The following VWA8 variants were observed in gnomAD, a reference collection of about 807,000 sequenced individuals.
VWA8 encodes von Willebrand factor A domain containing 8, also known as von Willebrand factor A domain-containing protein 8.
VWA8 carries 221 observed loss-of-function variants against 241.5 expected under a neutral mutation model. The observed-to-expected ratio is 0.91, with a 90% CI of 0.82 to 1.02. VWA8 has a LOEUF of 1.02. Among genes scored for constraint, VWA8 ranks in the 50% least tolerant of loss-of-function variants. The probability of loss-of-function intolerance (pLI) is 0.00; values close to 1 mark genes in which losing one functional copy is unlikely to be tolerated. For synonymous variants in VWA8, 852 were observed against 827.1 expected, an observed-to-expected ratio of 1.03 and a Z score of -0.52; for missense variants, 2,322 against 2,328.7, an observed-to-expected ratio of 1.00 and a Z score of 0.06.
chr13:41,935,973 C>T (rs374191379), intron 2 of VWA8, among the ~76,000 whole-genome samples: 1 of 152,204 alleles, frequency 6.6e-6, no homozygotes, highest in East Asian at 1.9e-4. Context: ...TACTTTCTAT[C>T]TCTACCACAA....
intron 12 of VWA8, among the ~76,000 whole-genome samples, chr13:41,838,962 C>A (rs906066374): frequency 6.6e-6 from 1 of 152,000 alleles, no homozygotes; most frequent in East Asian, 1.9e-4. Context: ...AATATATGTG[C>A]GCATGTGTCT....
intron 4 of VWA8, among the ~76,000 whole-genome samples, chr13:41,897,993 C>T (rs1875205775): frequency 6.6e-6 from 1 of 152,104 alleles, no homozygotes; most frequent in Non-Finnish European, 1.5e-5. Context: ...CAAAGGTTCT[C>T]CACATCCCCA....
intron 12 of VWA8, among the ~76,000 whole-genome samples, chr13:41,844,139 T>C (rs1269253278): frequency 6.6e-6 from 1 of 152,184 alleles, no homozygotes; most frequent in Non-Finnish European, 1.5e-5. Context: ...TAATTCACCA[T>C]GGTCAGGCAG....
intron 37 of VWA8, among the ~76,000 whole-genome samples, chr13:41,645,257 T>C (rs905076545): frequency 4.6e-5 from 7 of 152,234 alleles, no homozygotes; most frequent in African/African-American, 9.6e-5. Flanking sequence ...AAAAAGGTAC[T>C]GCTTAGTACA....
At chr13:41,822,993 A>C (rs999198577) in intron 14 of VWA8, among the ~76,000 whole-genome samples, 5 of 152,142 alleles carry the variant, frequency 3.3e-5, no homozygotes, top group Non-Finnish European at 7.4e-5. Flanking sequence ...AAAGGGTTTC[A>C]AATGGTTCCT....
At position 41,580,132 on chromosome 13, in the gene VWA8, G is replaced by C. The variant is rs988202614; in HGVS notation, c.5272-4294C>G. 2.6e-5 allele frequency among the ~76,000 whole-genome samples: 4 copies of C among 152,020 alleles called. No individual in the cohort carries two copies. The East Asian group carries it at 7.7e-4, about 29-fold the overall frequency. The stretch of plus-strand genomic sequence containing the variant: ...GGCCTCCCAAAGTGCTGGAATTATA[G>C]GCATGAACCACTGTGCCCGGCCCAG... On this transcript the variant is annotated intron_variant, in intron 42 of 44. Transcript: ENST00000379310.
At chr13:41,691,243 C>A in intron 32 of VWA8, 77 bp downstream of exon 32, 1 of 1,499,444 alleles carries the variant, frequency 6.7e-7, no homozygotes. Flanking sequence ...AAAGACAGAA[C>A]AGTAAAGATG....
At chr13:41,957,226 T>C (rs1339826856) in intron 1 of VWA8, among the ~76,000 whole-genome samples, 2 of 152,148 alleles carry the variant, frequency 1.3e-5, no homozygotes, top group Admixed American at 6.6e-5. Flanking sequence ...GTTTTTCCTG[T>C]GCTGTTCTCG....
chr13:41,570,419 C>T (rs926460341), intron 44 of VWA8, 49 bp downstream of exon 44: 3 of 1,522,088 alleles, frequency 2.0e-6, no homozygotes, highest in Admixed American at 3.4e-5. Context: ...GTGTTAGCTA[C>T]TCAGTATCTC....
chr13:41,789,653 A>T (rs1869363323), intron 17 of VWA8, among the ~76,000 whole-genome samples: 1 of 152,132 alleles, frequency 6.6e-6, no homozygotes, highest in South Asian at 2.1e-4. Flanking sequence ...ATAAGATAGG[A>T]CTTCTCAGGA....
intron 40 of VWA8, among the ~76,000 whole-genome samples, chr13:41,603,734 T>G (rs556716487): frequency 3.7e-4 from 57 of 152,256 alleles, no homozygotes; most frequent in Non-Finnish European, 2.2e-4. Flanking sequence ...AAATACTCTG[T>G]CCTTCTCTGA....
intron 2 of VWA8, among the ~76,000 whole-genome samples, chr13:41,938,515 G>A (rs1877452669): frequency 6.6e-6 from 1 of 152,074 alleles, no homozygotes; most frequent in Non-Finnish European, 1.5e-5. Context: ...GCCAGGCGTA[G>A]TGGCACGTGC....
intron 37 of VWA8, among the ~76,000 whole-genome samples, chr13:41,630,450 G>A (rs376683333): frequency 1.3e-4 from 19 of 151,762 alleles, no homozygotes; most frequent in East Asian, 1.2e-3. Context: ...TTGAACACTC[G>A]TAGAGGCTTA....
chr13:41,863,395 TTGTGTGTGTG>T (rs140177608), intron 12 of VWA8, among the ~76,000 whole-genome samples: 2,877 of 89,926 alleles, frequency 0.032, 106 homozygotes, highest in Middle Eastern at 0.12. Flanking sequence ...TATCTCCTAT[TTGTGTGTGTG>T]TGTGTGTGTG....
At chr13:41,616,013 T>C (rs1264054812) in intron 37 of VWA8, among the ~76,000 whole-genome samples, 1 of 152,234 alleles carries the variant, frequency 6.6e-6, no homozygotes, top group Non-Finnish European at 1.5e-5. Flanking sequence ...TTCTGTGAGG[T>C]ACCATGGGGC....
At position 41,887,250 on chromosome 13, in the gene VWA8, G is replaced by C. The variant is rs777168545; in HGVS notation, c.763C>G (p.Pro255Ala). Reference protein sequence around the residue: ...VPRYSGNPLDPPLRSRFQARD... With the variant: ...VPRYSGNPLDAPLRSRFQARD... ...GCTTGAAATCGAGAACGAAGAGGGGGGTCTAATGGATTCCCAGAATACCTT... is the reference window on the plus strand; with the variant it reads ...GCTTGAAATCGAGAACGAAGAGGGGCGTCTAATGGATTCCCAGAATACCTT... The change falls in exon 6 of 45, where the codon CCC becomes GCC. Residue 255 changes from proline to alanine, a missense_variant. Transcript: ENST00000379310. 2 of 1,613,106 alleles carry C rather than the reference G, an allele frequency of 1.2e-6. No individual in the cohort carries two copies. Among genetic ancestry groups the C allele is most frequent in the African/African-American group, 2.7e-5 (2 of 74,808 alleles).
intron 5 of VWA8, 51 bp downstream of exon 5, chr13:41,891,369 C>T: frequency 6.2e-7 from 1 of 1,604,414 alleles, no homozygotes; most frequent in Non-Finnish European, 8.5e-7. Flanking sequence ...TAAAATGGCA[C>T]TGCCCATAGC....
In VWA8 at chr13:41,719,101, T is replaced by C. The variant is rs143951910; in HGVS notation, c.3116+490A>G. ...ACTAGCTCACATGAAATAAACCCAC[T>C]AGTTCTTACTACCTCTTTCATCTAT... On this transcript the variant is annotated intron_variant, in intron 26 of 44. Coordinates refer to ENST00000379310, the MANE Select transcript of VWA8 (RefSeq NM_015058.2). Among the ~76,000 whole-genome samples the C allele has an allele frequency of 8.9e-4, 136 of 152,102 alleles. 1 individual carries two copies. The highest frequency in any genetic ancestry group is 3.2e-3 in the African/African-American group (133 of 41,552).
At chr13:41,789,366 A>G (rs2137945725) in intron 17 of VWA8, among the ~76,000 whole-genome samples, 2 of 152,322 alleles carry the variant, frequency 1.3e-5, no homozygotes, top group African/African-American at 4.8e-5. Flanking sequence ...CAAAGCAAGC[A>G]CATACCCTGT....
Sources: allele counts gnomAD v4.1 joint callset (sites outside exome capture counted in the v4.1 genomes callset), GRCh38; gene constraint gnomAD v4.1.1; transcripts MANE v1.5; gene names NCBI Gene and HGNC (gene_info 2026-07-23, HGNC 2026-07-21).